TBC1D1: variants seen among roughly 807,000 people sequenced by gnomAD.
TBC1D1 encodes TBC1 (tre-2/USP6, BUB2, cdc16) domain family, member 1.
A neutral mutation model predicts 125.6 loss-of-function variants in TBC1D1; 89 were observed. The ratio of observed to expected loss-of-function variants is 0.71; its 90% CI spans 0.60 to 0.85. TBC1D1 has a LOEUF of 0.85. Among genes scored for constraint, TBC1D1 ranks in the 40% least tolerant of loss-of-function variants. TBC1D1 has a pLI of 0.00. For missense variants in TBC1D1, 1,377 were observed against 1,469.2 expected (o/e 0.94, Z 1.03); for synonymous variants, 565 against 564.1 (o/e 1.00, Z -0.02).
chr4:38,021,068 G>A (rs1377901162), intron 5 of TBC1D1, among the ~76,000 whole-genome samples: 1 of 152,200 alleles, frequency 6.6e-6, no homozygotes, highest in East Asian at 1.9e-4. Flanking sequence ...AATTTATAAA[G>A]GAAAGAGGTT....
intron 2 of TBC1D1, among the ~76,000 whole-genome samples, chr4:37,922,110 G>A (rs1721134703): frequency 6.6e-6 from 1 of 151,842 alleles, no homozygotes; most frequent in African/African-American, 2.4e-5. Flanking sequence ...TACCTCCCCT[G>A]TCTGCTGACA....
chr4:38,018,710 A>G (rs972858368), intron 4 of TBC1D1, among the ~76,000 whole-genome samples: 3 of 152,166 alleles, frequency 2.0e-5, no homozygotes, highest in Non-Finnish European at 4.4e-5. Context: ...GTAATAATCC[A>G]CAGTCATGAC....
intron 18 of TBC1D1, among the ~76,000 whole-genome samples, chr4:38,127,691 A>G (rs1764886692): frequency 1.3e-5 from 2 of 152,108 alleles, no homozygotes; most frequent in Non-Finnish European, 1.5e-5. Flanking sequence ...ACCTCCACTG[A>G]CTTAATAACT....
intron 2 of TBC1D1, among the ~76,000 whole-genome samples, chr4:37,951,685 G>A (rs1179263627): frequency 6.6e-6 from 1 of 152,150 alleles, no homozygotes; most frequent in Non-Finnish European, 1.5e-5. Context: ...TTAGGGAAGT[G>A]GACTTTCGAT....
rs1733506010 is a variant in TBC1D1, at chr4:37,977,779, A to G, written c.418-36730A>G. On this transcript the variant is annotated intron_variant, in intron 2 of 19. Transcript: ENST00000261439. The surrounding 1 kb of genome is among the most constrained non-coding windows in gnomAD (Gnocchi z 4.3). ...GGGGAGACTGAGGCTGTACTCGGGG[A>G]CCCCTGCGGGAGCCCGAACCCAGCA... is the stretch of plus-strand genomic sequence containing the variant. 6.6e-6 allele frequency among the ~76,000 whole-genome samples: 1 copy of G among 151,584 alleles called. No individual in the cohort carries two copies. Among genetic ancestry groups the G allele is most frequent in the South Asian group, 2.1e-4 (1 of 4,804 alleles).
At chr4:38,129,617 G>T (rs1765258097) in intron 18 of TBC1D1, among the ~76,000 whole-genome samples, 1 of 152,170 alleles carries the variant, frequency 6.6e-6, no homozygotes, top group African/African-American at 2.4e-5. Context: ...GAAGCTCTGT[G>T]GCGAGTTCTG....
intron 7 of TBC1D1, chr4:38,030,348 C>G (rs77685565): frequency 2.0e-5 from 3 of 152,198 alleles, no homozygotes; most frequent in African/African-American, 4.8e-5. Flanking sequence ...AGTTAATATC[C>G]TGTGTGTTGT....
chr4:37,967,949 T>C (rs1213189321), intron 2 of TBC1D1, among the ~76,000 whole-genome samples: 1 of 152,184 alleles, frequency 6.6e-6, no homozygotes, highest in Non-Finnish European at 1.5e-5. Flanking sequence ...CGCACAGTGT[T>C]TTGAAAAGAA....
intron 1 of TBC1D1, among the ~76,000 whole-genome samples, chr4:37,897,645 A>T (rs1384728961): frequency 6.6e-6 from 1 of 152,206 alleles, no homozygotes; most frequent in African/African-American, 2.4e-5. Flanking sequence ...AAGGAAATTG[A>T]AAGTAATTCT....
chr4:38,138,919 C>A lies in TBC1D1; in HGVS notation c.*1584C>A, dbSNP rs573307108. On this transcript the variant is annotated 3_prime_UTR_variant, in exon 20 of 20. Transcript: ENST00000261439. ...AACAGGTGGCTGGCATTCGAGACTT[C>A]CTCCTGTTCCCTGGGTCAGAGGATA... 6.5e-6 allele frequency: 1 copy of A among 152,760 alleles called. No individual in the cohort carries two copies. Among genetic ancestry groups the A allele is most frequent in the East Asian group, 1.9e-4 (1 of 5,182 alleles). 9.5% of individuals were successfully genotyped at this position (152,760 alleles called of 1,614,324 possible).
intron 17 of TBC1D1, among the ~76,000 whole-genome samples, chr4:38,124,249 A>AG (rs1162887830): frequency 6.6e-6 from 1 of 152,168 alleles, no homozygotes; most frequent in Non-Finnish European, 1.5e-5. Context: ...CAACTCTATG[A>AG]GGAAGGTGAG....
intron 18 of TBC1D1, among the ~76,000 whole-genome samples, chr4:38,127,410 A>C (rs1376876923): frequency 7.2e-6 from 1 of 138,108 alleles, no homozygotes; most frequent in Non-Finnish European, 1.5e-5. Flanking sequence ...TTTGAGACAG[A>C]GTCTTGCTCT....
At chr4:37,981,272 G>A (rs558186789) in intron 2 of TBC1D1, among the ~76,000 whole-genome samples, 1 of 152,248 alleles carries the variant, frequency 6.6e-6, no homozygotes, top group East Asian at 1.9e-4. Flanking sequence ...GCAAGTAACT[G>A]ATTGCTAATT....
At chr4:38,026,959 A>G (rs1407733715) in intron 6 of TBC1D1, among the ~76,000 whole-genome samples, 2 of 152,250 alleles carry the variant, frequency 1.3e-5, no homozygotes, top group Non-Finnish European at 2.9e-5. Flanking sequence ...CCTGGTATGC[A>G]AGAGAAATGT....
At chr4:37,899,145 G>T (rs188351405) in intron 1 of TBC1D1, among the ~76,000 whole-genome samples, 1 of 151,646 alleles carries the variant, frequency 6.6e-6, no homozygotes, top group Admixed American at 6.6e-5. Context: ...TCTCTAGGAC[G>T]AAAAAGAAAG....
rs570544376 is a variant in TBC1D1 at position 37,983,837 on chromosome 4, C to T, written c.418-30672C>T. On this transcript the variant is annotated intron_variant, in intron 2 of 19. Transcript: ENST00000261439. Reference sequence around the variant, plus strand: ...ACAGGTTTGGACAAATGTATAATGACGTATATCCAGCATTATAATATCATA... The same window carrying T: ...ACAGGTTTGGACAAATGTATAATGATGTATATCCAGCATTATAATATCATA... Among the ~76,000 whole-genome samples the T allele has an allele frequency of 1.4e-4, 22 of 152,304 alleles. No individual in the cohort carries two copies. The South Asian group carries it at 1.9e-3, about 13-fold the overall frequency.
intron 2 of TBC1D1, among the ~76,000 whole-genome samples, chr4:37,992,294 G>A (rs1055012907): frequency 2.0e-5 from 3 of 152,096 alleles, no homozygotes; most frequent in African/African-American, 4.8e-5. Flanking sequence ...TTTTGGGCTC[G>A]TGGTGAGAGA....
At chr4:38,124,171 A>C (rs1764280295) in intron 17 of TBC1D1, among the ~76,000 whole-genome samples, 1 of 151,478 alleles carries the variant, frequency 6.6e-6, no homozygotes, top group South Asian at 2.1e-4. Flanking sequence ...AGTTTAGTCA[A>C]CCAATAATTA....
intron 15 of TBC1D1, among the ~76,000 whole-genome samples, chr4:38,103,811 G>A (rs187632132): frequency 2.6e-5 from 4 of 152,266 alleles, no homozygotes; most frequent in African/African-American, 9.6e-5. Flanking sequence ...AACTATCTAT[G>A]TAGAATTTAC....
Sources: allele counts gnomAD v4.1 joint callset (sites outside exome capture counted in the v4.1 genomes callset), GRCh38; gene constraint gnomAD v4.1.1; non-coding constraint Gnocchi (gnomAD v3.1); transcripts MANE v1.5; gene names NCBI Gene and HGNC (gene_info 2026-07-23, HGNC 2026-07-21).